Variants in USH2A observed in about 807,000 individuals in gnomAD.
The protein encoded by USH2A is usherin, also known as Usher syndrome 2A (autosomal recessive, mild).
In USH2A, 443 loss-of-function variants were observed where a neutral mutation model predicts 538.9. The ratio of observed to expected loss-of-function variants is 0.82; its 90% CI spans 0.76 to 0.89. The LOEUF (loss-of-function observed/expected upper bound fraction) is 0.89, where lower values mean the gene tolerates loss of function less well. USH2A is among the 40% of genes least tolerant of loss of function. USH2A has a pLI of 0.00. For synonymous variants in USH2A, 2,413 were observed against 2,273.5 expected, an observed-to-expected ratio of 1.06 and a Z score of -1.75; for missense variants, 6,633 against 6,324.8, an observed-to-expected ratio of 1.05 and a Z score of -1.65.
At chr1:215,842,220 C>T (rs1221218149) in intron 46 of USH2A, among the ~76,000 whole-genome samples, 1 of 152,100 alleles carries the variant, frequency 6.6e-6, no homozygotes, top group Non-Finnish European at 1.5e-5. Context: ...CTCAACATAA[C>T]TGATCATTAC....
In USH2A at chr1:215,639,156, A is replaced by G; in HGVS notation, c.15051T>C (p.Leu5017=). The G allele has an allele frequency of 1.2e-6, 2 of 1,614,092 alleles. No individual in the cohort carries two copies. The highest frequency in any genetic ancestry group is 1.7e-6 in the Non-Finnish European group (2 of 1,179,946). ...CCAAGTATAATATGAGTTGTTTACC[A>G]AGTCCAGTAGAGGTATCATATTGGA... ...PLIQYDTSTG[L]GLVLTTPGKK... Residue 5017 remains leucine (L), a splice_region_variant and synonymous_variant, in exon 69 of 72, where the codon CTT becomes CTC. Coordinates refer to ENST00000307340, the MANE Select transcript of USH2A (RefSeq NM_206933.4).
chr1:216,175,538 C>T (rs1432952860), intron 20 of USH2A, 56 bp from the exon 21 acceptor site: 1 of 1,426,958 alleles, frequency 7.0e-7, no homozygotes, highest in African/African-American at 1.4e-5. Context: ...TCTCTAGACA[C>T]ACATATTCAC....
At chr1:216,057,662 C>T (rs944507695) in intron 30 of USH2A, among the ~76,000 whole-genome samples, 4 of 151,614 alleles carry the variant, frequency 2.6e-5, no homozygotes, top group African/African-American at 9.7e-5. Flanking sequence ...ACTCCAGCCT[C>T]GGCAACAGAG....
Position 216,323,671 on chromosome 1 carries a change from A to AT in USH2A, c.1352dup (p.Asn451LysfsTer5). The AT allele has an allele frequency of 6.2e-7, 1 of 1,613,546 alleles. No homozygotes were observed. The highest frequency in any genetic ancestry group is 1.1e-5 in the South Asian group (1 of 91,082). On this transcript the variant is annotated frameshift_variant, in exon 8 of 72. Coordinates refer to ENST00000307340, the MANE Select transcript of USH2A (RefSeq NM_206933.4). LOFTEE classifies it high-confidence loss of function. ...CAGGTGTCAGGATGCTAAATGTGACATTGCCACGGGAATATGGAGTAAAAC... is the reference window on the plus strand; with the variant it reads ...CAGGTGTCAGGATGCTAAATGTGACATTTGCCACGGGAATATGGAGTAAAAC...
intron 63 of USH2A, among the ~76,000 whole-genome samples, chr1:215,673,589 G>A (rs1031203650): frequency 8.5e-5 from 13 of 152,214 alleles, no homozygotes; most frequent in Non-Finnish European, 1.6e-4. Flanking sequence ...CCATAAGAAA[G>A]TAGAGTCAGA....
chr1:215,797,726 A>G (rs748087026), intron 50 of USH2A, among the ~76,000 whole-genome samples: 2 of 152,202 alleles, frequency 1.3e-5, no homozygotes, highest in Admixed American at 6.5e-5. Context: ...TTCTTTTAAA[A>G]TATTAATACT....
At chr1:216,335,621 G>A (rs2037954042) in intron 4 of USH2A, among the ~76,000 whole-genome samples, 1 of 151,400 alleles carries the variant, frequency 6.6e-6, no homozygotes, top group African/African-American at 2.4e-5. Flanking sequence ...TCACAAAAAA[G>A]GATCATAAGG....
intron 71 of USH2A, among the ~76,000 whole-genome samples, chr1:215,626,825 C>A (rs531781793): frequency 2.6e-5 from 4 of 152,210 alleles, no homozygotes; most frequent in South Asian, 2.1e-4. Context: ...GATAATAGAA[C>A]CTACTTCCTA....
chr1:216,353,183 G>A (rs1473737076), intron 4 of USH2A, among the ~76,000 whole-genome samples: 1 of 152,070 alleles, frequency 6.6e-6, no homozygotes, highest in East Asian at 1.9e-4. Flanking sequence ...AAAAGTGAGA[G>A]ATAGTGGAAA....
In USH2A at chr1:215,996,560, G is replaced by GTTTTTTTTTTTTTTTTTTT. The variant is rs753233925; in HGVS notation, c.6657+2308_6657+2326dup. ...TTTGTTGAGAGTAGCAACATATTAT[G>GTTTTTTTTTTTTTTTTTTT]TTTTTTTTTTTTTTTTTTTTTTTTT... On this transcript the variant is annotated intron_variant, in intron 34 of 71. Transcript: ENST00000307340. Among the ~76,000 whole-genome samples the GTTTTTTTTTTTTTTTTTTT allele has an allele frequency of 1.2e-4, 6 of 51,718 alleles. 1 individual carries two copies. The highest frequency in any genetic ancestry group is 4.6e-4 in the African/African-American group (5 of 10,788). 33.9% of individuals were successfully genotyped at this position (51,718 alleles called of 152,430 possible).
chr1:216,353,847 A>G (rs952239545), intron 4 of USH2A, among the ~76,000 whole-genome samples: 4 of 152,176 alleles, frequency 2.6e-5, no homozygotes, highest in East Asian at 3.9e-4. Context: ...ATCAAAATGT[A>G]GAGCGCACAG....
intron 22 of USH2A, among the ~76,000 whole-genome samples, chr1:216,093,636 C>T (rs2032359953): frequency 6.6e-6 from 1 of 152,102 alleles, no homozygotes; most frequent in Non-Finnish European, 1.5e-5. Context: ...CACCACATGT[C>T]AAAAGAGATG....
chr1:215,824,405 G>C (rs1663098868), intron 47 of USH2A, among the ~76,000 whole-genome samples: 1 of 151,828 alleles, frequency 6.6e-6, no homozygotes, highest in Non-Finnish European at 1.5e-5. Flanking sequence ...TTTGGCACTA[G>C]ATGGTGCCTC....
chr1:215,937,535 T>C (rs563319126), intron 37 of USH2A, among the ~76,000 whole-genome samples: 2 of 152,234 alleles, frequency 1.3e-5, no homozygotes, highest in South Asian at 4.1e-4. Flanking sequence ...AGATTAAATA[T>C]GACCATCCTA....
At chr1:216,388,079 A>G (rs1181421497) in intron 3 of USH2A, among the ~76,000 whole-genome samples, 1 of 152,222 alleles carries the variant, frequency 6.6e-6, no homozygotes, top group Non-Finnish European at 1.5e-5. Context: ...ATATTCTGCC[A>G]TGAACAAGTT....
At chr1:215,671,400 T>A in intron 63 of USH2A, 107 bp from the exon 64 acceptor site, 1 of 1,146,642 alleles carries the variant, frequency 8.7e-7, no homozygotes, top group Non-Finnish European at 1.3e-6. Flanking sequence ...TTACATGTAT[T>A]CTTATTCACA....
At chr1:215,628,047 TA>T (rs1656123505) in intron 71 of USH2A, among the ~76,000 whole-genome samples, 1 of 152,322 alleles carries the variant, frequency 6.6e-6, no homozygotes, top group South Asian at 2.1e-4. Context: ...ATGAAGCTTA[TA>T]AATAGTAACA....
chr1:215,903,327 G>C (rs542474624), intron 38 of USH2A, among the ~76,000 whole-genome samples: 1 of 152,136 alleles, frequency 6.6e-6, no homozygotes, highest in South Asian at 2.1e-4. Flanking sequence ...GGGGGTAAAG[G>C]GCAGATACAG....
intron 14 of USH2A, among the ~76,000 whole-genome samples, chr1:216,222,288 T>A (rs1159208878): frequency 6.6e-6 from 1 of 152,202 alleles, no homozygotes; most frequent in Non-Finnish European, 1.5e-5. Context: ...ACTCTGCTGC[T>A]GTAGCAGGAA....
Sources: allele counts gnomAD v4.1 joint callset (sites outside exome capture counted in the v4.1 genomes callset), GRCh38; gene constraint gnomAD v4.1.1; transcripts MANE v1.5; gene names NCBI Gene and HGNC (gene_info 2026-07-23, HGNC 2026-07-21).